STS: variants seen among roughly 807,000 people sequenced by gnomAD.
The protein encoded by STS is steroid sulfatase, also known as steryl-sulfatase.
A neutral mutation model predicts 26.8 loss-of-function variants in STS; 7 were observed. That is an observed-to-expected ratio of 0.26 (90% CI 0.15 to 0.49). STS has a LOEUF of 0.49. Ranked by LOEUF, STS falls within the 20% of genes least tolerant of loss-of-function variation. STS has a pLI of 0.98. For synonymous variants in STS, 199 were observed against 189.4 expected, an observed-to-expected ratio of 1.05 and a Z score of -0.42; for missense variants, 434 against 465.6, an observed-to-expected ratio of 0.93 and a Z score of 0.63.
chrX:7,237,048 A>G (rs1272305261), intron 2 of STS, among the ~76,000 whole-genome samples: 1 of 110,727 alleles, frequency 9.0e-6, no homozygotes, highest in Non-Finnish European at 1.9e-5. Context: ...TGGTGTTGCT[A>G]GAGGGAGATC....
At chrX:7,289,344 C>G (rs1925297355) in intron 7 of STS, among the ~76,000 whole-genome samples, 1 of 111,540 alleles carries the variant, frequency 9.0e-6, no homozygotes, top group Non-Finnish European at 1.9e-5. Context: ...AGTTTGCACA[C>G]AGGGGAGGGT....
At chrX:7,249,088 C>A (rs760552951) in intron 2 of STS, among the ~76,000 whole-genome samples, 1 of 110,301 alleles carries the variant, frequency 9.1e-6, no homozygotes, top group East Asian at 2.9e-4. Context: ...GATAAAAAAG[C>A]CTTTTGGGAA....
At chrX:7,347,490 G>A (rs759526427) in intron 10 of STS, among the ~76,000 whole-genome samples, 38 of 111,885 alleles carry the variant, frequency 3.4e-4, no homozygotes, top group African/African-American at 1.1e-3. Context: ...TTCCCAGGCC[G>A]GGGTGCCTGC....
rs769265466 is a variant in STS, at chrX:7,216,301, G to A, written c.-5+25293G>A. On this transcript the variant is annotated intron_variant, in intron 2 of 10. Coordinates refer to ENST00000674429, the MANE Select transcript of STS (RefSeq NM_001320752.2). ...AAGGGCTGTGATTCTCTAGTCTTTA[G>A]GGGGTCTCCCAGGAAATTTTATTTT... 1.4e-4 allele frequency among the ~76,000 whole-genome samples: 16 copies of A among 111,743 alleles called. No homozygotes were observed. The South Asian group carries it at 6.1e-3, about 43-fold the overall frequency.
intron 3 of STS, among the ~76,000 whole-genome samples, chrX:7,256,848 C>T (rs1923434117): frequency 8.9e-6 from 1 of 111,885 alleles, no homozygotes. Context: ...TCACTTCTTC[C>T]CCACCTCCCC....
chrX:7,306,712 G>A (rs1926233859), intron 8 of STS, among the ~76,000 whole-genome samples: 1 of 111,798 alleles, frequency 8.9e-6, no homozygotes, highest in African/African-American at 3.3e-5. Context: ...TCCCAGGAAT[G>A]TTTGCAAAGG....
At chrX:7,199,874 A>G (rs1166424317) in intron 2 of STS, among the ~76,000 whole-genome samples, 1 of 73 alleles carries the variant, frequency 0.014, no homozygotes, top group Non-Finnish European at 0.026. Flanking sequence ...CTTTGCTAGA[A>G]ATAAAAAAAA....
rs1187204556 is a variant in STS at position 7,257,387 on chromosome X, G to A, written c.259+24G>A. ...AGGTAACCTCCTATCTGCATCGCAG[G>A]GGCTGTGGTCACCTTCGGGACAGTC... On this transcript the variant is annotated intron_variant, in intron 4 of 10. Coordinates refer to ENST00000674429, the MANE Select transcript of STS (RefSeq NM_001320752.2). 13 of 1,211,981 alleles carry A rather than the reference G, an allele frequency of 1.1e-5. No individual in the cohort carries two copies. The East Asian group carries it at 3.3e-4, about 30-fold the overall frequency.
chrX:7,299,586 C>T (rs1281819798), intron 7 of STS, among the ~76,000 whole-genome samples: 1 of 109,501 alleles, frequency 9.1e-6, no homozygotes, highest in African/African-American at 3.3e-5. Flanking sequence ...GCACTTTGCT[C>T]CAGTATTCTG....
At chrX:7,154,307 C>T (rs1933089387) in intron 1 of STS, among the ~76,000 whole-genome samples, 1 of 112,323 alleles carries the variant, frequency 8.9e-6, no homozygotes, top group Non-Finnish European at 1.9e-5. Flanking sequence ...GTTCCTGTCA[C>T]ATCTTATGCA....
At chrX:7,238,558 G>C (rs1922439316) in intron 2 of STS, among the ~76,000 whole-genome samples, 1 of 111,247 alleles carries the variant, frequency 9.0e-6, no homozygotes, top group Non-Finnish European at 1.9e-5. Flanking sequence ...GCCAGGAGTG[G>C]TGGCTGACAC....
At chrX:7,308,412 A>G (rs1354435752) in intron 8 of STS, among the ~76,000 whole-genome samples, 3 of 111,525 alleles carry the variant, frequency 2.7e-5, no homozygotes, top group African/African-American at 6.5e-5. Context: ...GGGAGAGGGG[A>G]CCCCTGACTG....
intron 2 of STS, among the ~76,000 whole-genome samples, chrX:7,206,274 T>G (rs1319762847): frequency 8.9e-6 from 1 of 112,350 alleles, no homozygotes; most frequent in Non-Finnish European, 1.9e-5. Context: ...ATCCTAATTT[T>G]CATGTCTTTT....
intron 7 of STS, among the ~76,000 whole-genome samples, chrX:7,293,326 G>C (rs1218064649): frequency 2.1e-4 from 23 of 111,942 alleles, no homozygotes; most frequent in African/African-American, 7.1e-4. Context: ...ATCAACTGAA[G>C]TATGATTAAA....
At chrX:7,321,479 A>G (rs954948905) in intron 8 of STS, among the ~76,000 whole-genome samples, 1 of 112,230 alleles carries the variant, frequency 8.9e-6, no homozygotes, top group African/African-American at 3.2e-5. Flanking sequence ...ATAATGTAAC[A>G]TCTGAAAAAC....
intron 1 of STS, 91 bp downstream of exon 1, chrX:7,148,174 C>CGCGCACGCGCACTGAGGACCT: frequency 1.2e-6 from 1 of 806,449 alleles, no homozygotes; most frequent in Non-Finnish European, 1.7e-6. Context: ...CCGCCCGCCC[C>CGCGCACGCGCACTGAGGACCT]GCGCACGCGC....
In STS at chrX:7,219,340, C is replaced by T. The variant is rs1378555266; in HGVS notation, c.-5+28332C>T. On this transcript the variant is annotated intron_variant, in intron 2 of 10. Transcript: ENST00000674429. ...CATTTATCTTTGACACAAATCATAC[C>T]GAAGGGGAGAAGTTGCCCCTTCTGA... 11 of 875,500 alleles carry T rather than the reference C, an allele frequency of 1.3e-5. No homozygotes were observed. In the East Asian group the frequency reaches 2.0e-4, roughly 16 times the overall value. The allele number at this position is 875,500 out of a possible 1,213,427, so 72.2% of individuals were successfully genotyped here.
At chrX:7,279,058 C>T (rs1385359569) in intron 7 of STS, among the ~76,000 whole-genome samples, 1 of 109,701 alleles carries the variant, frequency 9.1e-6, no homozygotes, top group Non-Finnish European at 1.9e-5. Flanking sequence ...AATCCCAGCA[C>T]TTTGGGAGGC....
At chrX:7,323,876 A>G (rs1296659487) in intron 8 of STS, among the ~76,000 whole-genome samples, 1 of 110,846 alleles carries the variant, frequency 9.0e-6, no homozygotes, top group Admixed American at 9.7e-5. Flanking sequence ...CTGCCTTTAA[A>G]GTCAGCAGCA....
Sources: allele counts gnomAD v4.1 joint callset (sites outside exome capture counted in the v4.1 genomes callset), GRCh38; gene constraint gnomAD v4.1.1; transcripts MANE v1.5; gene names NCBI Gene and HGNC (gene_info 2026-07-23, HGNC 2026-07-21).